Variants in PLCG2 observed in about 807,000 individuals in gnomAD.
PLCG2 encodes the protein phospholipase C gamma 2.
In PLCG2, 69 loss-of-function variants were observed where a neutral mutation model predicts 175.6. The ratio of observed to expected loss-of-function variants is 0.39; its 90% confidence interval spans 0.32 to 0.48. The LOEUF (loss-of-function observed/expected upper bound fraction) is 0.48. Ranked by LOEUF, PLCG2 falls within the 20% of genes least tolerant of loss-of-function variation. PLCG2 has a pLI of 0.91. For missense variants in PLCG2, 1,798 were observed against 1,650.9 expected, an observed-to-expected ratio of 1.09 and a Z score of -1.54; for synonymous variants, 827 against 624.0, an observed-to-expected ratio of 1.33 and a Z score of -4.85.
At chr16:81,778,073 C>A (rs79726200), upstream of PLCG2, among the ~76,000 whole-genome samples, 44,861 of 71,940 alleles carry the variant, frequency 0.62, 12,694 homozygotes, top group East Asian at 0.75. Flanking sequence ...ACCAAAAACA[C>A]ACACACACAA....
At chr16:81,919,349 G>T (rs894322095) in intron 19 of PLCG2, 135 bp from the exon 20 acceptor site, 7 of 629,744 alleles carry the variant, frequency 1.1e-5, no homozygotes, top group South Asian at 2.0e-5. Context: ...TATTCCATAG[G>T]AGGACTATAC....
At chr16:81,854,630 G>C in intron 3 of PLCG2, 43 bp downstream of exon 3, 1 of 1,589,148 alleles carries the variant, frequency 6.3e-7, no homozygotes, top group Non-Finnish European at 8.6e-7. Context: ...CTGTGCCTTA[G>C]TGTCTTCCTG....
chr16:81,821,592 C>A (rs1904802096), intron 2 of PLCG2, among the ~76,000 whole-genome samples: 1 of 152,006 alleles, frequency 6.6e-6, no homozygotes, highest in African/African-American at 2.4e-5. Flanking sequence ...CTACTTGTTG[C>A]CTTGTGTGCT....
chr16:81,830,434 G>A (rs1391620594), intron 2 of PLCG2, among the ~76,000 whole-genome samples: 2 of 152,090 alleles, frequency 1.3e-5, no homozygotes, highest in African/African-American at 2.4e-5. Flanking sequence ...AGCCTTCCAA[G>A]TAGCTGGGAT....
intron 2 of PLCG2, among the ~76,000 whole-genome samples, chr16:81,793,076 C>T (rs1278259032): frequency 3.9e-5 from 6 of 152,178 alleles, no homozygotes; most frequent in African/African-American, 1.4e-4. Flanking sequence ...AAAAGGCCCC[C>T]TGGTGAGGAC....
At chr16:81,955,612 C>G (rs1474649603) in intron 31 of PLCG2, among the ~76,000 whole-genome samples, 1 of 152,218 alleles carries the variant, frequency 6.6e-6, no homozygotes, top group Non-Finnish European at 1.5e-5. Context: ...TGTGCTCACT[C>G]AGTGGCTGTT....
intron 2 of PLCG2, among the ~76,000 whole-genome samples, chr16:81,800,358 C>A (rs1327555214): frequency 1.3e-5 from 2 of 152,160 alleles, no homozygotes; most frequent in Admixed American, 1.3e-4. Flanking sequence ...TGATGCTCTC[C>A]TCCATCCTTA....
At chr16:81,788,644 C>T (rs916035306) in intron 2 of PLCG2, among the ~76,000 whole-genome samples, 2 of 152,204 alleles carry the variant, frequency 1.3e-5, no homozygotes, top group African/African-American at 4.8e-5. Context: ...CTTGGCCATC[C>T]ACAGGTAGAC....
Position 81,834,591 on chromosome 16 carries a change from A to AGCTGCT in PLCG2, c.194-19836_194-19831dup, listed in dbSNP as rs112113666. On this transcript the variant is annotated intron_variant, in intron 2 of 32. Coordinates refer to ENST00000564138, the MANE Select transcript of PLCG2 (RefSeq NM_002661.5). ...TGGTTGATAGACCCTGGATCTGCAG[A>AGCTGCT]GCTGCTGCTGCTGCTGCTGCTGTTG... is the stretch of plus-strand genomic sequence containing the variant. Among the ~76,000 whole-genome samples, 974 of 151,336 alleles carry AGCTGCT rather than the reference A, an allele frequency of 6.4e-3. 11 individuals carry two copies. The highest frequency in any genetic ancestry group is 0.024 in the Middle Eastern group (7 of 292).
intron 24 of PLCG2, among the ~76,000 whole-genome samples, chr16:81,929,603 C>G (rs1470026934): frequency 6.6e-6 from 1 of 152,164 alleles, no homozygotes; most frequent in Non-Finnish European, 1.5e-5. Flanking sequence ...GCCATGTGGG[C>G]CAGGCTGGTC....
At chr16:81,818,575 C>T (rs914694175) in intron 2 of PLCG2, among the ~76,000 whole-genome samples, 2 of 152,104 alleles carry the variant, frequency 1.3e-5, no homozygotes, top group African/African-American at 4.8e-5. Context: ...GAATTATCTG[C>T]TTGGTGGGGG....
chr16:81,808,178 G>A (rs939325779), intron 2 of PLCG2, among the ~76,000 whole-genome samples: 8 of 152,348 alleles, frequency 5.3e-5, no homozygotes, highest in African/African-American at 1.9e-4. Context: ...GCTGGGCCAT[G>A]CAGTAACCAT....
chr16:81,910,804 G>T, intron 18 of PLCG2, 84 bp downstream of exon 18: 1 of 1,309,586 alleles, frequency 7.6e-7, no homozygotes, highest in Non-Finnish European at 1.1e-6. Flanking sequence ...TGGTTCAGCC[G>T]GGCCAGTCCC....
chr16:81,883,472 C>G (rs1368484162), intron 9 of PLCG2, 131 bp downstream of exon 9: 1 of 684,546 alleles, frequency 1.5e-6, no homozygotes, highest in African/African-American at 1.8e-5. Context: ...ACCTGGCCAC[C>G]TGTCTTCATG....
intron 14 of PLCG2, among the ~76,000 whole-genome samples, chr16:81,903,373 A>C (rs538670706): frequency 6.6e-6 from 1 of 152,354 alleles, no homozygotes; most frequent in Admixed American, 6.5e-5. Context: ...GGCCAAGCAC[A>C]ACCAGAGGAG....
At chr16:81,955,499 G>C (rs1911531337) in intron 31 of PLCG2, among the ~76,000 whole-genome samples, 1 of 152,146 alleles carries the variant, frequency 6.6e-6, no homozygotes. Flanking sequence ...TCCCTACCCT[G>C]AGTGGCTTTT....
intron 21 of PLCG2, among the ~76,000 whole-genome samples, chr16:81,922,624 A>G (rs889782080): frequency 2.6e-5 from 4 of 152,182 alleles, no homozygotes; most frequent in South Asian, 2.1e-4. Context: ...GGGCAGAGCA[A>G]TGATTTGAAC....
Position 81,871,340 on chromosome 16 carries a change from G to A in PLCG2, c.648+405G>A, listed in dbSNP as rs1023346507. 3.9e-5 allele frequency among the ~76,000 whole-genome samples: 6 copies of A among 152,186 alleles called. No individual in the cohort carries two copies. In the South Asian group the frequency reaches 6.2e-4, roughly 16 times the overall value. ...ATATATATGTTTCTTCTTTTTACACGTTTGTTTGTTTGTTTTGAGATAGAG... is the reference window on the plus strand; with the variant it reads ...ATATATATGTTTCTTCTTTTTACACATTTGTTTGTTTGTTTTGAGATAGAG... On this transcript the variant is annotated intron_variant, in intron 7 of 32. Coordinates refer to ENST00000564138, the MANE Select transcript of PLCG2 (RefSeq NM_002661.5).
intron 2 of PLCG2, among the ~76,000 whole-genome samples, chr16:81,824,518 C>T (rs745630628): frequency 7.9e-5 from 12 of 152,226 alleles, no homozygotes; most frequent in Non-Finnish European, 1.6e-4. Context: ...TTTGTGGAGC[C>T]AGGTGTGGCT....
Sources: gnomAD v4.1 joint callset for allele counts (sites outside exome capture counted in the v4.1 genomes callset) on GRCh38, gnomAD v4.1.1 for gene constraint, MANE v1.5 for transcripts, NCBI Gene and HGNC (gene_info 2026-07-23, HGNC 2026-07-21) for gene names.